Variants in DLC1 observed in about 807,000 individuals in gnomAD.
The protein encoded by DLC1 is rho GTPase-activating protein 7.
Under a neutral mutation model 140.3 loss-of-function variants are expected in DLC1, and 54 were observed. The observed-to-expected ratio is 0.38, with a 90% CI of 0.31 to 0.48. The LOEUF (loss-of-function observed/expected upper bound fraction) is 0.48, where lower values mean the gene tolerates loss of function less well. Ranked by LOEUF, DLC1 falls within the 20% of genes least tolerant of loss-of-function variation. DLC1 has a pLI of 0.96. For missense variants in DLC1, 2,536 were observed against 1,907.0 expected (o/e 1.33, Z -6.14); for synonymous variants, 986 against 728.1 (o/e 1.35, Z -5.70).
intron 2 of DLC1, among the ~76,000 whole-genome samples, chr8:13,412,260 T>A (rs538072612): frequency 1.3e-5 from 2 of 152,244 alleles, no homozygotes; most frequent in Admixed American, 1.3e-4. Flanking sequence ...ATTTTTTTCA[T>A]AAAAAAGAAA....
chr8:13,400,253 C>A (rs552751567), intron 3 of DLC1, among the ~76,000 whole-genome samples: 2 of 152,156 alleles, frequency 1.3e-5, no homozygotes, highest in South Asian at 4.2e-4. Flanking sequence ...GAGAACTGAC[C>A]ATCACTAAAT....
At chr8:13,331,613 T>G (rs1251155175) in intron 4 of DLC1, among the ~76,000 whole-genome samples, 1 of 152,030 alleles carries the variant, frequency 6.6e-6, no homozygotes, top group African/African-American at 2.4e-5. Flanking sequence ...GTCTATGTTC[T>G]AATTCAGAAA....
At chr8:13,144,443 C>T (rs756284265) in intron 5 of DLC1, among the ~76,000 whole-genome samples, 29 of 152,274 alleles carry the variant, frequency 1.9e-4, no homozygotes, top group East Asian at 5.8e-4. Context: ...TCTCAGCCTC[C>T]GTAATCACGT....
intron 4 of DLC1, among the ~76,000 whole-genome samples, chr8:13,378,727 A>G (rs1002799015): frequency 8.5e-5 from 13 of 152,288 alleles, no homozygotes; most frequent in Middle Eastern, 3.4e-3. Context: ...AGATGAACAG[A>G]ACTTCCGTTA....
chr8:13,518,046 TG>T (rs1802646952), upstream of DLC1, among the ~76,000 whole-genome samples: 1 of 152,294 alleles, frequency 6.6e-6, no homozygotes, highest in Admixed American at 6.5e-5. Flanking sequence ...ATGTACTCTG[TG>T]GAAAGAAGAA....
intron 1 of DLC1, among the ~76,000 whole-genome samples, chr8:13,539,499 G>A (rs55739296): frequency 0.28 from 42,707 of 151,800 alleles, 6,257 homozygotes; most frequent in Non-Finnish European, 0.29. Context: ...TGCACCCGCC[G>A]CGAATAGTAT....
chr8:13,428,888 C>T (rs866467862), intron 2 of DLC1, among the ~76,000 whole-genome samples: 2 of 152,134 alleles, frequency 1.3e-5, no homozygotes, highest in Admixed American at 6.5e-5. Context: ...ATAGAAGAGA[C>T]CTAAGTAGAC....
intron 3 of DLC1, among the ~76,000 whole-genome samples, chr8:13,395,576 G>C (rs773551077): frequency 1.3e-5 from 2 of 152,156 alleles, no homozygotes; most frequent in Non-Finnish European, 2.9e-5. Flanking sequence ...GAAACTACTA[G>C]ACTGACAAAT....
intron 5 of DLC1, among the ~76,000 whole-genome samples, chr8:13,175,713 T>A (rs1254037336): frequency 6.6e-6 from 1 of 152,168 alleles, no homozygotes; most frequent in African/African-American, 2.4e-5. Context: ...TTTTACCAAA[T>A]TTTGCATGTT....
intron 1 of DLC1, among the ~76,000 whole-genome samples, chr8:13,586,870 T>C (rs1329418569): frequency 3.9e-5 from 6 of 152,132 alleles, no homozygotes; most frequent in Non-Finnish European, 5.9e-5. Flanking sequence ...ACATGCTCTT[T>C]ACCTAGTTTT....
intron 2 of DLC1, among the ~76,000 whole-genome samples, chr8:13,413,911 C>G (rs76275238): frequency 0.025 from 3,877 of 152,182 alleles, 65 homozygotes; most frequent in East Asian, 0.047. Context: ...CAACATTCAT[C>G]CTTGGGAGCT....
rs201165855 is a variant in DLC1, at chr8:13,319,820, TC to T, written c.1315-14519del. ...CAACCATTGTTTAATTCTCTCTCTC[TC>T]TTTTTTTTTTTTTTTTTTTGAGATG... On this transcript the variant is annotated intron_variant, in intron 4 of 17. Coordinates refer to ENST00000276297, the MANE Select transcript of DLC1 (RefSeq NM_182643.3). 1.4e-3 allele frequency among the ~76,000 whole-genome samples: 27 copies of T among 19,600 alleles called. 4 individuals are homozygous for T. Among genetic ancestry groups the T allele is most frequent in the East Asian group, 6.6e-3 (3 of 452 alleles). The allele number at this position is 19,600 out of a possible 152,430, so 12.9% of individuals were successfully genotyped here.
At chr8:13,535,957 A>G (rs1434433248) in intron 1 of DLC1, 5 of 152,130 alleles carry the variant, frequency 3.3e-5, no homozygotes, top group African/African-American at 9.7e-5. Context: ...AGCTCTTAAC[A>G]CATTCAGGAT....
chr8:13,317,357 C>T (rs1487206554), intron 4 of DLC1, among the ~76,000 whole-genome samples: 1 of 152,122 alleles, frequency 6.6e-6, no homozygotes, highest in Non-Finnish European at 1.5e-5. Context: ...TTTGAACATT[C>T]AACATAAAAG....
At position 13,357,921 on chromosome 8, in the gene DLC1, C is replaced by T. The variant is rs1178291530; in HGVS notation, c.1314+35632G>A. Among the ~76,000 whole-genome samples the T allele has an allele frequency of 2.0e-5, 3 of 152,206 alleles. No homozygotes were observed. The East Asian group carries it at 5.8e-4, about 29-fold the overall frequency. On this transcript the variant is annotated intron_variant, in intron 4 of 17. Transcript: ENST00000276297. ...CTCTTGATCACAAAAAATATAAATT[C>T]TGCCTATGGTACAGATTTTCAAAAA...
chr8:13,279,151 C>A, intron 5 of DLC1, among the ~76,000 whole-genome samples: 1 of 152,146 alleles, frequency 6.6e-6, no homozygotes, highest in East Asian at 1.9e-4. Flanking sequence ...TAGGGTGTGG[C>A]AGAATCCTGA....
intron 5 of DLC1, among the ~76,000 whole-genome samples, chr8:13,130,534 A>G (rs1272430304): frequency 1.3e-5 from 2 of 152,242 alleles, no homozygotes; most frequent in Non-Finnish European, 2.9e-5. Context: ...TTTAGGTTGA[A>G]GGGTAACCTG....
At chr8:13,208,586 A>G (rs1827783638) in intron 5 of DLC1, among the ~76,000 whole-genome samples, 1 of 152,160 alleles carries the variant, frequency 6.6e-6, no homozygotes, top group African/African-American at 2.4e-5. Context: ...GTGATATTTT[A>G]TCGAACTTCT....
chr8:13,256,576 A>G (rs1242792931), intron 5 of DLC1, among the ~76,000 whole-genome samples: 1 of 152,170 alleles, frequency 6.6e-6, no homozygotes, highest in Non-Finnish European at 1.5e-5. Flanking sequence ...CTTTGCAGGG[A>G]CATGAATGAA....
Sources: gnomAD v4.1 joint callset for allele counts (sites outside exome capture counted in the v4.1 genomes callset) on GRCh38, gnomAD v4.1.1 for gene constraint, MANE v1.5 for transcripts, NCBI Gene and HGNC (gene_info 2026-07-23, HGNC 2026-07-21) for gene names.